The following ATP6V1H variants were observed in gnomAD, a reference collection of about 807,000 sequenced individuals.
ATP6V1H encodes V-type proton ATPase subunit H.
ATP6V1H carries 39 observed loss-of-function variants against 71.7 expected under a neutral mutation model. The observed-to-expected ratio is 0.54, with a 90% CI of 0.42 to 0.71. ATP6V1H has a LOEUF of 0.71. Among genes scored for constraint, ATP6V1H ranks in the 30% least tolerant of loss-of-function variants. The probability of loss-of-function intolerance (pLI) is 0.00; values close to 1 mark genes in which losing one functional copy is unlikely to be tolerated. For synonymous variants in ATP6V1H, 192 were observed against 199.3 expected (o/e 0.96, Z 0.31); for missense variants, 509 against 594.9 (o/e 0.86, Z 1.50).
At chr8:53,831,949 A>G (rs1021751034) in intron 3 of ATP6V1H, 5 of 152,166 alleles carry the variant, frequency 3.3e-5, no homozygotes, top group African/African-American at 1.2e-4. Context: ...TGTTCGCCTC[A>G]AAACAGAAAA....
At chr8:53,723,472 T>A (rs148992894) in intron 13 of ATP6V1H, among the ~76,000 whole-genome samples, 338 of 152,356 alleles carry the variant, frequency 2.2e-3, no homozygotes, top group African/African-American at 7.7e-3. Context: ...ATGGCCTTGC[T>A]AAAATGACAC....
intron 12 of ATP6V1H, among the ~76,000 whole-genome samples, chr8:53,755,168 T>C (rs1450428023): frequency 6.6e-6 from 1 of 152,176 alleles, no homozygotes; most frequent in Non-Finnish European, 1.5e-5. Flanking sequence ...AGGAAAGCTC[T>C]AGAGGCAGTT....
At chr8:53,826,757 G>A (rs984039628) in intron 4 of ATP6V1H, among the ~76,000 whole-genome samples, 6 of 151,328 alleles carry the variant, frequency 4.0e-5, no homozygotes, top group Non-Finnish European at 5.9e-5. Context: ...GACCACCTTC[G>A]CCAACATGGT....
At chr8:53,746,809 A>G (rs1329857140) in intron 12 of ATP6V1H, among the ~76,000 whole-genome samples, 1 of 152,210 alleles carries the variant, frequency 6.6e-6, no homozygotes, top group Non-Finnish European at 1.5e-5. Context: ...CAGCTGGTGG[A>G]TTACAAAATA....
chr8:53,839,859 C>A (rs1017349557), intron 2 of ATP6V1H: 92 of 985,414 alleles, frequency 9.3e-5, no homozygotes, highest in Non-Finnish European at 1.0e-4. Flanking sequence ...TTGAAAAGCA[C>A]TGACTGATAG....
intron 12 of ATP6V1H, among the ~76,000 whole-genome samples, chr8:53,744,159 G>C (rs1486039890): frequency 1.3e-5 from 2 of 152,122 alleles, no homozygotes; most frequent in Non-Finnish European, 2.9e-5. Context: ...GGGGGTTAAA[G>C]AGCACCCATG....
intron 13 of ATP6V1H, among the ~76,000 whole-genome samples, chr8:53,717,084 G>A (rs999615746): frequency 1.2e-4 from 19 of 152,202 alleles, no homozygotes; most frequent in African/African-American, 4.3e-4. Flanking sequence ...CTTGCCTATC[G>A]CCTATCAACT....
At position 53,817,422 on chromosome 8, in the gene ATP6V1H, G is replaced by A. The variant is rs866353559; in HGVS notation, c.415C>T (p.His139Tyr). ...CCAATCAATTCAAAATTTACCATAT[G>A]AACAGTGAAGGGATCCTGGCGATTC... ...MLNRQDPFTV[H>Y]MAARIIAKLA... Residue 139 changes from histidine (H) to tyrosine (Y), a missense_variant, in exon 5 of 14, where the codon CAT becomes TAT. This residue lies in a region of ATP6V1H where 297 missense variants were observed against 303.3 expected (regional missense o/e 0.98). Coordinates refer to ENST00000359530, the MANE Select transcript of ATP6V1H (RefSeq NM_015941.4). 4 of 1,604,022 alleles carry A rather than the reference G, an allele frequency of 2.5e-6. No homozygotes were observed. The highest frequency in any genetic ancestry group is 3.4e-6 in the Non-Finnish European group (4 of 1,172,002).
intron 12 of ATP6V1H, among the ~76,000 whole-genome samples, chr8:53,744,705 A>T (rs1410704415): frequency 1.3e-5 from 2 of 152,016 alleles, no homozygotes; most frequent in African/African-American, 2.4e-5. Context: ...GCATGGTTTT[A>T]AAAAAAATGC....
rs140982552 is a variant in ATP6V1H, at chr8:53,806,138, A to G, written c.580-4242T>C. 2.2e-3 allele frequency among the ~76,000 whole-genome samples: 338 copies of G among 152,306 alleles called. 2 individuals are homozygous for G. Among genetic ancestry groups the G allele is most frequent in the African/African-American group, 7.9e-3 (327 of 41,584 alleles). On this transcript the variant is annotated intron_variant, in intron 7 of 13. Coordinates refer to ENST00000359530, the MANE Select transcript of ATP6V1H (RefSeq NM_015941.4). ...GAATAGAGAGGGAGAAGGACAGAGTAAAAACTAGAACAAGAATCAGAAGTT... is the reference window on the plus strand; with the variant it reads ...GAATAGAGAGGGAGAAGGACAGAGTGAAAACTAGAACAAGAATCAGAAGTT...
chr8:53,768,207 A>T (rs912476573), intron 11 of ATP6V1H, among the ~76,000 whole-genome samples: 2 of 152,146 alleles, frequency 1.3e-5, no homozygotes, highest in African/African-American at 2.4e-5. Context: ...AGCCATCAGG[A>T]AATACAAATA....
chr8:53,807,592 G>C (rs1249385780), intron 7 of ATP6V1H, among the ~76,000 whole-genome samples: 1 of 152,186 alleles, frequency 6.6e-6, no homozygotes, highest in African/African-American at 2.4e-5. Context: ...ATGTCCAAAA[G>C]AGGCAAATCC....
intron 12 of ATP6V1H, among the ~76,000 whole-genome samples, chr8:53,751,106 T>A (rs906987419): frequency 6.6e-6 from 1 of 150,766 alleles, no homozygotes; most frequent in Admixed American, 6.6e-5. Context: ...GCGAGTTTAG[T>A]CTGGGCACTT....
At chr8:53,743,794 T>A in intron 12 of ATP6V1H, 104 bp from the exon 13 acceptor site, 2 of 694,424 alleles carry the variant, frequency 2.9e-6, no homozygotes, top group Non-Finnish European at 4.9e-6. Flanking sequence ...AAAGTAACAA[T>A]GTACGTAAAT....
intron 13 of ATP6V1H, among the ~76,000 whole-genome samples, chr8:53,736,505 C>T (rs1327899200): frequency 6.6e-6 from 1 of 152,228 alleles, no homozygotes; most frequent in Non-Finnish European, 1.5e-5. Flanking sequence ...ACCAAACCCC[C>T]ATCTACATGC....
chr8:53,784,710 G>A (rs1809305286), intron 9 of ATP6V1H, among the ~76,000 whole-genome samples: 1 of 152,316 alleles, frequency 6.6e-6, no homozygotes, highest in African/African-American at 2.4e-5. Context: ...GCTTCCTTCA[G>A]GAGCTCTTGT....
At chr8:53,765,454 A>AC (rs1554558823) in intron 11 of ATP6V1H, among the ~76,000 whole-genome samples, 1 of 74,132 alleles carries the variant, frequency 1.3e-5, no homozygotes, top group Non-Finnish European at 2.8e-5. Flanking sequence ...CAACAACAAC[A>AC]ACACACACAC....
chr8:53,758,529 A>C lies in ATP6V1H; in HGVS notation c.1176-1873T>G, dbSNP rs73682569. Among the ~76,000 whole-genome samples, 365 of 152,326 alleles carry C rather than the reference A, an allele frequency of 2.4e-3. 1 individual carries two copies. Among genetic ancestry groups the C allele is most frequent in the African/African-American group, 8.3e-3 (344 of 41,564 alleles). On this transcript the variant is annotated intron_variant, in intron 11 of 13. Coordinates refer to ENST00000359530, the MANE Select transcript of ATP6V1H (RefSeq NM_015941.4). ...TCAACAGTTTATGTCATTTTAATGT[A>C]AATTCTTGGCAAACGACTTAGGAAG...
intron 13 of ATP6V1H, among the ~76,000 whole-genome samples, chr8:53,729,627 G>A (rs1806946190): frequency 6.6e-6 from 1 of 152,190 alleles, no homozygotes; most frequent in South Asian, 2.1e-4. Context: ...GTGGAATGGA[G>A]CCCAGGCTAT....
Sources: gnomAD v4.1 joint callset for allele counts (sites outside exome capture counted in the v4.1 genomes callset) on GRCh38, gnomAD v4.1.1 for gene constraint, gnomAD v4.1.1 regional missense constraint, MANE v1.5 for transcripts, NCBI Gene and HGNC (gene_info 2026-07-23, HGNC 2026-07-21) for gene names.